The following LY96 variants were observed in gnomAD, a reference collection of about 807,000 sequenced individuals.
LY96 encodes lymphocyte antigen 96.
LY96 carries 18 observed loss-of-function variants against 18.9 expected under a neutral mutation model. That is an observed-to-expected ratio of 0.95 (90% CI 0.66 to 1.41). The LOEUF is 1.41. Among genes scored for constraint, LY96 ranks in the 40% most tolerant of loss-of-function variants. The pLI is 0.00. For missense variants in LY96, 175 were observed against 182.4 expected (o/e 0.96, Z 0.23); for synonymous variants, 66 against 62.6 (o/e 1.06, Z -0.26).
the LY96 span, among the ~76,000 whole-genome samples, chr8:74,096,493 T>C: frequency 6.6e-6 from 1 of 152,166 alleles, no homozygotes; most frequent in Non-Finnish European, 1.5e-5. Flanking sequence ...TCACTTAAAA[T>C]CTCTGATGTC....
the LY96 span, among the ~76,000 whole-genome samples, chr8:74,063,083 G>C: frequency 1.3e-5 from 2 of 152,170 alleles, no homozygotes; most frequent in Non-Finnish European, 2.9e-5. Context: ...TCATCTGAAG[G>C]CTTGACTGGG....
chr8:74,007,335 C>T (rs1816435295), intron 2 of LY96, among the ~76,000 whole-genome samples: 1 of 152,134 alleles, frequency 6.6e-6, no homozygotes. Context: ...ACCTCAATGG[C>T]CATCACAAGT....
At chr8:74,032,658 A>G (rs1376334389), downstream of LY96, among the ~76,000 whole-genome samples, 3 of 152,160 alleles carry the variant, frequency 2.0e-5, no homozygotes, top group Admixed American at 2.0e-4. Context: ...TCCTTCCACA[A>G]CTTGGTGTCT....
chr8:74,015,495 T>C (rs1816623103), intron 3 of LY96, among the ~76,000 whole-genome samples: 2 of 152,194 alleles, frequency 1.3e-5, no homozygotes, highest in East Asian at 1.9e-4. Flanking sequence ...CCTATGTTTG[T>C]CTATCTCAGT....
the LY96 span, chr8:74,056,202 A>C: frequency 4.6e-5 from 8 of 174,244 alleles, no homozygotes; most frequent in Middle Eastern, 5.5e-3. Context: ...AATCTTATCC[A>C]TGACAAAATG....
chr8:74,028,823 C>T (rs758335411), intron 4 of LY96, 133 bp from the exon 5 acceptor site: 31 of 541,558 alleles, frequency 5.7e-5, no homozygotes, highest in Non-Finnish European at 7.1e-5. Flanking sequence ...TGGAAAATTT[C>T]GTCTCATTGG....
intron 4 of LY96, 46 bp from the exon 5 acceptor site, chr8:74,028,910 G>A: frequency 9.1e-7 from 1 of 1,102,492 alleles, no homozygotes; most frequent in African/African-American, 1.5e-5. Context: ...TGAAATAGTA[G>A]CATCTAACAT....
the LY96 span, among the ~76,000 whole-genome samples, chr8:74,070,095 T>C: frequency 6.7e-6 from 1 of 149,106 alleles, no homozygotes; most frequent in Non-Finnish European, 1.5e-5. Context: ...GCCAATTTTC[T>C]TTCTTTTTTT....
downstream of LY96, chr8:74,029,187 C>T (rs1009723214): frequency 1.4e-5 from 9 of 624,630 alleles, no homozygotes; most frequent in Non-Finnish European, 2.5e-5. Context: ...AGCTTATCCT[C>T]ACAGATCTCT....
chr8:74,022,501 T>G (rs1301177112), intron 3 of LY96, among the ~76,000 whole-genome samples: 2 of 151,460 alleles, frequency 1.3e-5, no homozygotes, highest in African/African-American at 4.8e-5. Context: ...CAGAAGAGGT[T>G]AGAACTCCTT....
chr8:74,018,929 T>A (rs547074865), intron 3 of LY96, among the ~76,000 whole-genome samples: 202 of 152,290 alleles, frequency 1.3e-3, no homozygotes, highest in African/African-American at 4.2e-3. Context: ...AATCAGTGTG[T>A]AGAGGGAAAT....
chr8:74,004,991 T>A (rs1046869529), intron 2 of LY96, 106 bp downstream of exon 2: 8 of 1,218,088 alleles, frequency 6.6e-6, no homozygotes, highest in East Asian at 2.5e-5. Context: ...TATTGCTACG[T>A]AACAAATTAC....
the LY96 span, among the ~76,000 whole-genome samples, chr8:74,090,536 A>G: frequency 6.6e-6 from 1 of 152,206 alleles, no homozygotes; most frequent in African/African-American, 2.4e-5. Flanking sequence ...AATCTGTTGA[A>G]ATGTTAAAGA....
At chr8:73,999,235 G>T (rs2131256142) in intron 1 of LY96, among the ~76,000 whole-genome samples, 1 of 152,228 alleles carries the variant, frequency 6.6e-6, no homozygotes, top group East Asian at 1.9e-4. Flanking sequence ...CTCCCAAAGT[G>T]TTGGGATTAC....
At chr8:74,080,757 C>A in the LY96 span, among the ~76,000 whole-genome samples, 1 of 152,168 alleles carries the variant, frequency 6.6e-6, no homozygotes, top group Non-Finnish European at 1.5e-5. Flanking sequence ...GGTACAGAGG[C>A]CCCACCTTGC....
the LY96 span, among the ~76,000 whole-genome samples, chr8:74,054,792 T>C: frequency 6.6e-6 from 1 of 150,378 alleles, no homozygotes; most frequent in Non-Finnish European, 1.5e-5. Context: ...GCCTCCTGAG[T>C]AGCTAGGACC....
chr8:74,064,828 G>T, the LY96 span, among the ~76,000 whole-genome samples: 7,100 of 152,256 alleles, frequency 0.047, 416 homozygotes, highest in African/African-American at 0.13. Flanking sequence ...CACAGAAGAA[G>T]ACACACAGTG....
the LY96 span, among the ~76,000 whole-genome samples, chr8:74,086,875 C>T: frequency 1.3e-5 from 2 of 152,198 alleles, no homozygotes; most frequent in East Asian, 3.8e-4. Flanking sequence ...CCTCGCTAGA[C>T]GTTGAATCTG....
At chr8:74,068,195 T>C in the LY96 span, among the ~76,000 whole-genome samples, 1 of 151,498 alleles carries the variant, frequency 6.6e-6, no homozygotes, top group Non-Finnish European at 1.5e-5. Flanking sequence ...GTCTTCTGTC[T>C]CTGTATATCA....
Sources: allele counts gnomAD v4.1 joint callset (sites outside exome capture counted in the v4.1 genomes callset), GRCh38; gene constraint gnomAD v4.1.1; transcripts MANE v1.5; gene names NCBI Gene and HGNC (gene_info 2026-07-23, HGNC 2026-07-21).